The following COBL variants were observed in gnomAD, a reference collection of about 807,000 sequenced individuals.
The protein encoded by COBL is cordon-bleu WH2 repeat protein, also known as protein cordon-bleu.
In COBL, 51 loss-of-function variants were observed where a neutral mutation model predicts 98.8. The observed-to-expected ratio is 0.52, with a 90% confidence interval of 0.41 to 0.65. The LOEUF (loss-of-function observed/expected upper bound fraction) is 0.65. COBL is among the 30% of genes least tolerant of loss of function. The pLI, the probability that COBL is intolerant of heterozygous loss-of-function variation, is 0.00. For synonymous variants in COBL, 634 were observed against 651.7 expected, an observed-to-expected ratio of 0.97 and a Z score of 0.41; for missense variants, 1,617 against 1,617.5, an observed-to-expected ratio of 1.00 and a Z score of 0.01.
chr7:51,166,637 A>G (rs190317871), intron 5 of COBL, among the ~76,000 whole-genome samples: 142 of 152,258 alleles, frequency 9.3e-4, no homozygotes, highest in African/African-American at 3.3e-3. Context: ...AAAACCAGAC[A>G]ATGACACATC....
intron 7 of COBL, among the ~76,000 whole-genome samples, chr7:51,066,674 T>C (rs1562866238): frequency 6.6e-6 from 1 of 152,152 alleles, no homozygotes; most frequent in South Asian, 2.1e-4. Context: ...ACTTTAGCCA[T>C]CATCACTTCC....
chr7:51,085,407 G>T, intron 6 of COBL, 103 bp from the exon 7 acceptor site: 1 of 1,264,820 alleles, frequency 7.9e-7, no homozygotes, highest in Non-Finnish European at 1.1e-6. Flanking sequence ...GACCTGCACC[G>T]GAAGGTGGTG....
chr7:51,184,128 T>G lies in COBL; in HGVS notation c.757A>C (p.Lys253Gln), dbSNP rs768351007. Residue 253 changes from lysine (K) to glutamine (Q), a missense_variant, in exon 5 of 13, where the codon AAA becomes CAA. Transcript: ENST00000265136. ...TTACTATTGCTTCTTTTATTAACTT[T>G]GAAAAATCCCAGAAATTTTTTCTTC... ...KEKKKFLGFFKVNKRSNSKGC... is the reference protein window; with the variant it reads ...KEKKKFLGFFQVNKRSNSKGC... 1.2e-5 allele frequency: 19 copies of G among 1,551,470 alleles called. No individual in the cohort carries two copies. In the South Asian group the frequency reaches 2.2e-4, roughly 18 times the overall value.
chr7:51,095,557 C>A (rs1366148545), intron 6 of COBL, among the ~76,000 whole-genome samples: 1 of 72,016 alleles, frequency 1.4e-5, no homozygotes, highest in African/African-American at 6.5e-5. Context: ...GATTAAACTC[C>A]CCAATCAAAA....
rs1794249342 is a variant in COBL at position 51,086,393 on chromosome 7, A to C, written c.958-1089T>G. ...AAAAAAAAAAAAAAAAAGAATGAAC[A>C]TGGTGACTATCATATGACAAGAGCT... is the stretch of plus-strand genomic sequence containing the variant. On this transcript the variant is annotated intron_variant, in intron 6 of 12. Transcript: ENST00000265136. Among the ~76,000 whole-genome samples the C allele has an allele frequency of 2.0e-5, 3 of 146,906 alleles. No homozygotes were observed. The South Asian group carries it at 6.5e-4, about 32-fold the overall frequency.
chr7:51,239,784 G>A (rs1303016273), intron 1 of COBL, among the ~76,000 whole-genome samples: 3 of 152,128 alleles, frequency 2.0e-5, no homozygotes, highest in Non-Finnish European at 4.4e-5. Context: ...TAACGGTCAT[G>A]GTATTTTGCC....
chr7:51,194,230 A>G (rs1179494611), intron 2 of COBL, among the ~76,000 whole-genome samples: 2 of 151,976 alleles, frequency 1.3e-5, no homozygotes, highest in African/African-American at 4.8e-5. Flanking sequence ...TTGTTGCATT[A>G]GTTTGCTAAG....
intron 1 of COBL, among the ~76,000 whole-genome samples, chr7:51,299,171 T>C (rs1349302490): frequency 2.7e-5 from 4 of 148,796 alleles, no homozygotes; most frequent in Non-Finnish European, 4.5e-5. Flanking sequence ...CACACATACA[T>C]ACACACACAC....
chr7:51,039,601 T>C (rs1260505296), intron 8 of COBL, among the ~76,000 whole-genome samples: 3 of 152,258 alleles, frequency 2.0e-5, no homozygotes, highest in Non-Finnish European at 2.9e-5. Context: ...CCCAACCTTA[T>C]GTGTGAATCG....
chr7:51,136,138 A>C lies in COBL; in HGVS notation c.957+20T>G. 6.3e-7 allele frequency: 1 copy of C among 1,598,208 alleles called. No homozygotes were observed. The highest frequency in any genetic ancestry group is 1.3e-5 in the African/African-American group (1 of 74,418). Reference sequence around the variant, plus strand: ...TCACTGAAAAGATGCTTTGGTTGTGAGAACAGCCCACTGCCCTACCTTTTC... The same window carrying C: ...TCACTGAAAAGATGCTTTGGTTGTGCGAACAGCCCACTGCCCTACCTTTTC... On this transcript the variant is annotated intron_variant, in intron 6 of 12. Transcript: ENST00000265136.
At chr7:51,042,658 G>A (rs944086052) in intron 8 of COBL, among the ~76,000 whole-genome samples, 6 of 152,328 alleles carry the variant, frequency 3.9e-5, no homozygotes, top group African/African-American at 1.4e-4. Flanking sequence ...CACCATGCCA[G>A]GCCAAACGTG....
chr7:51,244,114 CAT>C (rs1374740276), intron 1 of COBL, among the ~76,000 whole-genome samples: 10 of 152,226 alleles, frequency 6.6e-5, no homozygotes, highest in Admixed American at 1.3e-4. Flanking sequence ...TCTGCACACA[CAT>C]GTGTGCTCAG....
chr7:51,212,733 T>C (rs964436228), intron 2 of COBL, among the ~76,000 whole-genome samples: 2 of 152,198 alleles, frequency 1.3e-5, no homozygotes, highest in African/African-American at 4.8e-5. Context: ...GCATGCACCA[T>C]AGCAAGGGAT....
At chr7:51,110,507 A>G (rs1796726010) in intron 6 of COBL, among the ~76,000 whole-genome samples, 1 of 152,148 alleles carries the variant, frequency 6.6e-6, no homozygotes, top group Admixed American at 6.5e-5. Context: ...CTAACCATTC[A>G]TCCGCTGACG....
intron 7 of COBL, among the ~76,000 whole-genome samples, chr7:51,051,251 CAT>C (rs746968841): frequency 6.6e-6 from 1 of 152,192 alleles, no homozygotes; most frequent in Non-Finnish European, 1.5e-5. Context: ...CATATGTTCA[CAT>C]GATTTGTTTA....
intron 5 of COBL, among the ~76,000 whole-genome samples, chr7:51,159,194 A>C (rs1042163922): frequency 2.6e-5 from 4 of 152,122 alleles, no homozygotes; most frequent in Admixed American, 6.5e-5. Context: ...GCAGGGCGCA[A>C]AGCAGGGAGG....
chr7:51,066,320 A>G (rs1386676351), intron 7 of COBL, among the ~76,000 whole-genome samples: 1 of 152,138 alleles, frequency 6.6e-6, no homozygotes, highest in African/African-American at 2.4e-5. Flanking sequence ...AAGCTCAAAC[A>G]GCACGCACCA....
chr7:51,201,949 C>T (rs924648317), intron 2 of COBL, among the ~76,000 whole-genome samples: 4 of 152,192 alleles, frequency 2.6e-5, no homozygotes, highest in Non-Finnish European at 5.9e-5. Flanking sequence ...CACCATCCTG[C>T]CTCATCCTGC....
intron 1 of COBL, among the ~76,000 whole-genome samples, chr7:51,233,894 GTTAT>G (rs763961184): frequency 6.6e-6 from 1 of 152,164 alleles, no homozygotes; most frequent in African/African-American, 2.4e-5. Context: ...ACCAGACTGT[GTTAT>G]TTATTACCTC....
Sources: gnomAD v4.1 joint callset for allele counts (sites outside exome capture counted in the v4.1 genomes callset) on GRCh38, gnomAD v4.1.1 for gene constraint, MANE v1.5 for transcripts, NCBI Gene and HGNC (gene_info 2026-07-23, HGNC 2026-07-21) for gene names.